The following RBFOX1 variants were observed in gnomAD, a reference collection of about 807,000 sequenced individuals.
RBFOX1 encodes the protein RNA binding protein fox-1 homolog 1.
RBFOX1 carries 8 observed loss-of-function variants against 57.7 expected under a neutral mutation model. The observed-to-expected ratio is 0.14, with a 90% CI of 0.08 to 0.25. RBFOX1 has a LOEUF of 0.25. Among genes scored for constraint, RBFOX1 ranks in the 10% least tolerant of loss-of-function variants. RBFOX1 has a pLI of 1.00. For missense variants in RBFOX1, 611 were observed against 548.5 expected (o/e 1.11, Z -1.14); for synonymous variants, 326 against 222.4 (o/e 1.47, Z -4.15).
At chr16:7,004,554 T>C (rs991304437) in intron 3 of RBFOX1, among the ~76,000 whole-genome samples, 6 of 152,222 alleles carry the variant, frequency 3.9e-5, no homozygotes, top group Non-Finnish European at 8.8e-5. Context: ...GGACACGTCC[T>C]AGCTATGTAT....
intron 1 of RBFOX1, among the ~76,000 whole-genome samples, chr16:6,219,482 G>T (rs532829904): frequency 4.5e-4 from 69 of 152,138 alleles, no homozygotes; most frequent in Non-Finnish European, 7.6e-4. Context: ...TCAAGTCTGA[G>T]CTTCATTTTC....
At chr16:5,443,017 G>C (rs986976444) in intron 1 of RBFOX1, among the ~76,000 whole-genome samples, 7 of 152,168 alleles carry the variant, frequency 4.6e-5, no homozygotes, top group African/African-American at 1.7e-4. Context: ...CTCAAGCCAA[G>C]GAGTGCCAGG....
rs1350150371 is a variant in RBFOX1, at chr16:6,682,046, A to G, written c.-16+27396A>G. Among the ~76,000 whole-genome samples, 6 of 152,314 alleles carry G rather than the reference A, an allele frequency of 3.9e-5. No individual in the cohort carries two copies. In the South Asian group the frequency reaches 1.0e-3, roughly 26 times the overall value. ...ACTCCTGACTGAGAACTCTTTGCTCATATCTACTGGATCCAGTTTGTTTTG... is the reference window on the plus strand; with the variant it reads ...ACTCCTGACTGAGAACTCTTTGCTCGTATCTACTGGATCCAGTTTGTTTTG... On this transcript the variant is annotated intron_variant, in intron 3 of 15. Transcript: ENST00000550418.
At chr16:6,931,140 A>C (rs1253551788) in intron 3 of RBFOX1, among the ~76,000 whole-genome samples, 1 of 152,116 alleles carries the variant, frequency 6.6e-6, no homozygotes, top group Non-Finnish European at 1.5e-5. Flanking sequence ...GTTTTAAGAA[A>C]AATTCAGAAC....
intron 11 of RBFOX1, among the ~76,000 whole-genome samples, chr16:7,638,143 G>T (rs138013150): frequency 6.6e-6 from 1 of 152,102 alleles, no homozygotes; most frequent in Non-Finnish European, 1.5e-5. Context: ...GACAGTGAAC[G>T]CCTGTTAACC....
chr16:6,449,675 C>G (rs1362267541), intron 2 of RBFOX1, among the ~76,000 whole-genome samples: 1 of 152,154 alleles, frequency 6.6e-6, no homozygotes, highest in Non-Finnish European at 1.5e-5. Context: ...TGGGGTAAAT[C>G]TCTAACGTTG....
chr16:7,623,879 G>C (rs1218944214), intron 10 of RBFOX1, among the ~76,000 whole-genome samples: 1 of 152,048 alleles, frequency 6.6e-6, no homozygotes, highest in African/African-American at 2.4e-5. Context: ...GTCAGATTAA[G>C]GCCCACCCAT....
chr16:7,223,711 A>AG lies in RBFOX1; in HGVS notation c.27+171614dup, dbSNP rs1275705434. Among the ~76,000 whole-genome samples the AG allele has an allele frequency of 5.1e-4, 48 of 94,498 alleles. No homozygotes were observed. The East Asian group carries it at 0.026, about 51-fold the overall frequency. The allele number at this position is 94,498 out of a possible 152,430, so 62.0% of individuals were successfully genotyped here. On this transcript the variant is annotated intron_variant, in intron 4 of 15. Transcript: ENST00000550418. ...CCCCACTATATGCCGTCAGTGTTTCAGAAAAAAAAAAAAAAAAAAAGAAAA... is the reference window on the plus strand; with the variant it reads ...CCCCACTATATGCCGTCAGTGTTTCAGGAAAAAAAAAAAAAAAAAAAGAAAA...
chr16:6,320,116 A>G (rs902861673), intron 2 of RBFOX1, among the ~76,000 whole-genome samples: 4 of 152,136 alleles, frequency 2.6e-5, no homozygotes, highest in African/African-American at 7.2e-5. Context: ...GGTTGAGGGT[A>G]CAGATAAGAA....
At chr16:6,988,314 C>T (rs1178102736) in intron 3 of RBFOX1, among the ~76,000 whole-genome samples, 1 of 152,066 alleles carries the variant, frequency 6.6e-6, no homozygotes, top group African/African-American at 2.4e-5. Context: ...TTGGAGTTTC[C>T]TGTGATGATG....
At chr16:6,436,511 CTTTTTTTTTTT>C (rs61508952) in intron 2 of RBFOX1, among the ~76,000 whole-genome samples, 1 of 103,420 alleles carries the variant, frequency 9.7e-6, no homozygotes, top group Non-Finnish European at 2.0e-5. Context: ...TTTTTCTTCA[CTTTTTTTTTTT>C]TTTTTTTTTG....
intron 4 of RBFOX1, among the ~76,000 whole-genome samples, chr16:7,284,724 C>T (rs146784364): frequency 6.6e-6 from 1 of 152,262 alleles, no homozygotes; most frequent in East Asian, 1.9e-4. Flanking sequence ...CCTAGCTCTG[C>T]GACCTCACGG....
At chr16:5,936,804 A>G (rs751369034) in intron 4 of RBFOX1, among the ~76,000 whole-genome samples, 3 of 152,318 alleles carry the variant, frequency 2.0e-5, no homozygotes, top group Non-Finnish European at 4.4e-5. Context: ...GAGACAGCAC[A>G]TGCCAAGACA....
At chr16:7,047,891 T>C (rs1478354350) in intron 3 of RBFOX1, among the ~76,000 whole-genome samples, 1 of 151,766 alleles carries the variant, frequency 6.6e-6, no homozygotes. Context: ...TAATTAATTA[T>C]TTTTTTTGAG....
chr16:7,170,557 A>G (rs979595764), intron 4 of RBFOX1, among the ~76,000 whole-genome samples: 4 of 152,316 alleles, frequency 2.6e-5, no homozygotes, highest in South Asian at 2.1e-4. Flanking sequence ...CTTCTGGCTA[A>G]TTTAGCACTT....
Position 5,467,198 on chromosome 16 carries a change from T to TCTC in RBFOX1, c.220-18_220-17insCTC, listed in dbSNP as rs1301263952. The stretch of plus-strand genomic sequence containing the variant: ...CTTCTCTCTCTCTCTCTCTCTCTCT[T>TCTC]TTTTTTTTTTAATGCAGGATCTACT... On this transcript the variant is annotated splice_polypyrimidine_tract_variant and intron_variant, in intron 1 of 2. Transcript: ENST00000585867. 54 of 924,100 alleles carry TCTC rather than the reference T, an allele frequency of 5.8e-5. No homozygotes were observed. In the African/African-American group the frequency reaches 1.2e-3, roughly 20 times the overall value. 57.2% of individuals were successfully genotyped at this position (924,100 alleles called of 1,614,324 possible).
chr16:6,240,366 A>G (rs536951739), intron 1 of RBFOX1, among the ~76,000 whole-genome samples: 1 of 152,226 alleles, frequency 6.6e-6, no homozygotes, highest in African/African-American at 2.4e-5. Flanking sequence ...TCTTAAAGTA[A>G]CTGTTGGCTT....
chr16:6,094,943 C>G (rs547760884), intron 1 of RBFOX1, among the ~76,000 whole-genome samples: 1 of 152,148 alleles, frequency 6.6e-6, no homozygotes, highest in African/African-American at 2.4e-5. Flanking sequence ...GCCTGTAGTC[C>G]CAGCTACTCG....
chr16:7,143,002 G>A (rs1050658182), intron 4 of RBFOX1, among the ~76,000 whole-genome samples: 6 of 151,954 alleles, frequency 3.9e-5, no homozygotes, highest in African/African-American at 1.5e-4. Flanking sequence ...GGACTGGGTG[G>A]TTGAGAGTGC....
Sources: allele counts gnomAD v4.1 joint callset (sites outside exome capture counted in the v4.1 genomes callset), GRCh38; gene constraint gnomAD v4.1.1; transcripts MANE v1.5; gene names NCBI Gene and HGNC (gene_info 2026-07-23, HGNC 2026-07-21).